The following PRKG1 variants were observed in gnomAD, a reference collection of about 807,000 sequenced individuals.
PRKG1 encodes the protein cGMP-dependent protein kinase 1.
In PRKG1, 35 loss-of-function variants were observed where a neutral mutation model predicts 88.1. The ratio of observed to expected loss-of-function variants is 0.40; its 90% CI spans 0.30 to 0.53. The LOEUF (loss-of-function observed/expected upper bound fraction) is 0.53. Ranked by LOEUF, PRKG1 falls within the 20% of genes least tolerant of loss-of-function variation. PRKG1 has a pLI of 0.59. For synonymous variants in PRKG1, 303 were observed against 292.5 expected (o/e 1.04, Z -0.37); for missense variants, 540 against 839.8 (o/e 0.64, Z 4.41).
intron 4 of PRKG1, among the ~76,000 whole-genome samples, chr10:51,824,184 G>T (rs935111327): frequency 2.6e-5 from 4 of 151,920 alleles, no homozygotes; most frequent in Non-Finnish European, 4.4e-5. Flanking sequence ...TATTATCAAG[G>T]ATTTGTATAT....
At chr10:52,268,406 C>T (rs1462130887) in intron 10 of PRKG1, among the ~76,000 whole-genome samples, 2 of 152,070 alleles carry the variant, frequency 1.3e-5, no homozygotes, top group Non-Finnish European at 2.9e-5. Context: ...CACTTGGCTT[C>T]TCCTTGCAGT....
chr10:51,072,571 CTCA>C (rs1241550553), upstream of PRKG1, among the ~76,000 whole-genome samples: 3 of 151,998 alleles, frequency 2.0e-5, no homozygotes, highest in Non-Finnish European at 2.9e-5. Context: ...TTGTAAGTTG[CTCA>C]TTTCTTCATT....
rs117272781 is a variant in PRKG1 at position 51,948,736 on chromosome 10, A to G, written c.762+41166A>G. Among the ~76,000 whole-genome samples, 1,505 of 152,224 alleles carry G rather than the reference A, an allele frequency of 9.9e-3. 12 individuals are homozygous for G. The highest frequency in any genetic ancestry group is 0.016 in the Non-Finnish European group (1,081 of 67,998). On this transcript the variant is annotated intron_variant, in intron 5 of 17. Coordinates refer to ENST00000373980, the MANE Select transcript of PRKG1 (RefSeq NM_006258.4). ...TATCATCACCACCACAACCTTTTTA[A>G]AATTACTTAAGAAGAAGATTCACAA...
chr10:51,138,681 T>TTG (rs1564614785), intron 1 of PRKG1, among the ~76,000 whole-genome samples: 4 of 126,438 alleles, frequency 3.2e-5, no homozygotes, highest in East Asian at 2.5e-4. Flanking sequence ...TTTTGTTTTT[T>TTG]TTTTTTTTTT....
intron 7 of PRKG1, 102 bp from the exon 8 acceptor site, chr10:52,133,738 A>G: frequency 1.1e-6 from 1 of 946,452 alleles, no homozygotes; most frequent in South Asian, 1.7e-5. Context: ...GATAAATCAG[A>G]AGAGTTTATA....
intron 3 of PRKG1, among the ~76,000 whole-genome samples, chr10:51,655,384 T>TAAAC (rs984594839): frequency 2.6e-5 from 4 of 152,166 alleles, no homozygotes; most frequent in African/African-American, 9.7e-5. Flanking sequence ...GGATACTTTG[T>TAAAC]AAACATTGAA....
intron 2 of PRKG1, among the ~76,000 whole-genome samples, chr10:51,393,122 G>GAC (rs1837477822): frequency 2.0e-4 from 28 of 141,296 alleles, no homozygotes; most frequent in African/African-American, 2.8e-4. Flanking sequence ...GCCGGGCGGA[G>GAC]GGTCTCCTCA....
chr10:52,198,282 A>G (rs924849898), intron 9 of PRKG1, among the ~76,000 whole-genome samples: 1 of 152,184 alleles, frequency 6.6e-6, no homozygotes, highest in African/African-American at 2.4e-5. Flanking sequence ...TTTGATAAAT[A>G]TTTGTTCTGT....
chr10:52,281,193 T>G (rs1367155005), intron 13 of PRKG1, among the ~76,000 whole-genome samples: 1 of 152,164 alleles, frequency 6.6e-6, no homozygotes, highest in African/African-American at 2.4e-5. Context: ...CTTGCTGGCA[T>G]GTGTTTACAT....
intron 3 of PRKG1, among the ~76,000 whole-genome samples, chr10:51,757,931 A>G (rs1022470776): frequency 2.6e-5 from 4 of 152,210 alleles, no homozygotes; most frequent in Non-Finnish European, 4.4e-5. Flanking sequence ...ACCTGAGTCT[A>G]TCAGTTGCAG....
At chr10:52,031,116 G>T (rs1307711020) in intron 5 of PRKG1, among the ~76,000 whole-genome samples, 1 of 152,038 alleles carries the variant, frequency 6.6e-6, no homozygotes, top group African/African-American at 2.4e-5. Flanking sequence ...ACAGAACCAG[G>T]TTGTGAAATA....
intron 2 of PRKG1, among the ~76,000 whole-genome samples, chr10:51,342,781 C>T (rs1842029816): frequency 6.6e-6 from 1 of 152,208 alleles, no homozygotes; most frequent in Non-Finnish European, 1.5e-5. Context: ...AGTGATTATA[C>T]TTATTGCTTC....
chr10:51,487,465 A>G (rs1840580999), intron 3 of PRKG1, among the ~76,000 whole-genome samples: 1 of 152,166 alleles, frequency 6.6e-6, no homozygotes, highest in African/African-American at 2.4e-5. Flanking sequence ...TAAGGGTTAG[A>G]GACAAGATTA....
intron 3 of PRKG1, among the ~76,000 whole-genome samples, chr10:51,799,626 G>A (rs995896535): frequency 1.3e-5 from 2 of 151,998 alleles, no homozygotes; most frequent in Admixed American, 6.6e-5. Flanking sequence ...GGGAAAGGCT[G>A]GGAAGGGCTG....
intron 2 of PRKG1, among the ~76,000 whole-genome samples, chr10:51,436,248 C>A (rs904847258): frequency 6.6e-6 from 1 of 150,474 alleles, no homozygotes; most frequent in Non-Finnish European, 1.5e-5. Context: ...TGTCGTTGAT[C>A]AGTGGTACTA....
At chr10:52,073,260 A>G (rs2133289961) in intron 7 of PRKG1, among the ~76,000 whole-genome samples, 1 of 152,360 alleles carries the variant, frequency 6.6e-6, no homozygotes, top group South Asian at 2.1e-4. Context: ...TAACTTGATC[A>G]TATCTGGAAG....
chr10:51,488,290 A>G (rs903048747), intron 3 of PRKG1, among the ~76,000 whole-genome samples: 1 of 152,134 alleles, frequency 6.6e-6, no homozygotes, highest in African/African-American at 2.4e-5. Flanking sequence ...AATTCTCTAG[A>G]TGTACTTTGG....
intron 5 of PRKG1, among the ~76,000 whole-genome samples, chr10:52,026,066 G>T (rs898804109): frequency 2.6e-5 from 4 of 151,942 alleles, no homozygotes; most frequent in Non-Finnish European, 5.9e-5. Context: ...AAGCAATGGG[G>T]ACAGGATTCC....
intron 5 of PRKG1, among the ~76,000 whole-genome samples, chr10:51,926,441 T>C (rs1319991644): frequency 6.6e-6 from 1 of 152,084 alleles, no homozygotes; most frequent in Non-Finnish European, 1.5e-5. Context: ...CTGATGAGGA[T>C]TGTTATTTGT....
Sources: allele counts gnomAD v4.1 joint callset (sites outside exome capture counted in the v4.1 genomes callset), GRCh38; gene constraint gnomAD v4.1.1; transcripts MANE v1.5; gene names NCBI Gene and HGNC (gene_info 2026-07-23, HGNC 2026-07-21).